The following SBF2 variants were observed in gnomAD, a reference collection of about 807,000 sequenced individuals.
The protein encoded by SBF2 is SET binding factor 2, also known as myotubularin-related protein 13.
Under a neutral mutation model 225.2 loss-of-function variants are expected in SBF2, and 112 were observed. The ratio of observed to expected loss-of-function variants is 0.50; its 90% CI spans 0.43 to 0.58. The LOEUF is 0.58. SBF2 is among the 20% of genes least tolerant of loss of function. The pLI is 0.00. For missense variants in SBF2, 1,996 were observed against 2,206.2 expected (o/e 0.90, Z 1.91); for synonymous variants, 763 against 773.3 (o/e 0.99, Z 0.22).
At chr11:9,899,569 G>A (rs1310339950) in intron 16 of SBF2, among the ~76,000 whole-genome samples, 1 of 151,308 alleles carries the variant, frequency 6.6e-6, no homozygotes, top group East Asian at 1.9e-4. Flanking sequence ...TCTCAACAGG[G>A]CTCAACTAGA....
At chr11:10,058,800 C>T (rs1201409508) in intron 2 of SBF2, among the ~76,000 whole-genome samples, 1 of 152,190 alleles carries the variant, frequency 6.6e-6, no homozygotes, top group African/African-American at 2.4e-5. Flanking sequence ...ATCAGGCTGA[C>T]AGTAGACCAT....
At chr11:9,790,430 T>C (rs1008806686) in intron 34 of SBF2, 126 bp downstream of exon 34, 3 of 772,664 alleles carry the variant, frequency 3.9e-6, no homozygotes, top group Non-Finnish European at 6.1e-6. Context: ...AACTTTGAAA[T>C]AGCTTTTTGG....
At chr11:9,924,356 C>G (rs1024081621) in intron 16 of SBF2, among the ~76,000 whole-genome samples, 4 of 152,136 alleles carry the variant, frequency 2.6e-5, no homozygotes, top group Non-Finnish European at 4.4e-5. Context: ...CGTAAGTGTT[C>G]TGAGCATGTT....
chr11:10,124,446 A>C (rs1442380143), intron 2 of SBF2, among the ~76,000 whole-genome samples: 1 of 152,202 alleles, frequency 6.6e-6, no homozygotes, highest in African/African-American at 2.4e-5. Context: ...AAAATTAACC[A>C]AATTTGTATC....
At chr11:9,866,884 T>TA (rs1271588408) in intron 17 of SBF2, among the ~76,000 whole-genome samples, 60 of 151,910 alleles carry the variant, frequency 3.9e-4, no homozygotes, top group Non-Finnish European at 8.1e-4. Context: ...AGCAACTCAA[T>TA]AGCAAACAAA....
At chr11:10,289,102 G>A (rs1316923100) in intron 1 of SBF2, among the ~76,000 whole-genome samples, 1 of 152,258 alleles carries the variant, frequency 6.6e-6, no homozygotes, top group African/African-American at 2.4e-5. Context: ...CAGGGGCCCA[G>A]TGTGTCAGCG....
At chr11:10,069,527 T>A (rs2134798639) in intron 2 of SBF2, among the ~76,000 whole-genome samples, 1 of 152,318 alleles carries the variant, frequency 6.6e-6, no homozygotes, top group Non-Finnish European at 1.5e-5. Context: ...CTATGGTGTA[T>A]ATGTGCCACA....
intron 16 of SBF2, among the ~76,000 whole-genome samples, chr11:9,910,812 G>T (rs951621777): frequency 6.7e-6 from 1 of 149,486 alleles, no homozygotes; most frequent in Non-Finnish European, 1.5e-5. Flanking sequence ...ACCATGGGAG[G>T]CCAAAGCAGG....
chr11:9,834,855 C>T (rs1852235112), intron 26 of SBF2, among the ~76,000 whole-genome samples: 1 of 152,202 alleles, frequency 6.6e-6, no homozygotes, highest in African/African-American at 2.4e-5. Context: ...CGAGCACACT[C>T]CTTCACTCCC....
At chr11:10,053,747 T>G (rs1402001932) in intron 2 of SBF2, among the ~76,000 whole-genome samples, 1 of 150,788 alleles carries the variant, frequency 6.6e-6, no homozygotes, top group Admixed American at 6.6e-5. Flanking sequence ...GAGTGAGACC[T>G]TGTCTCGGAA....
intron 2 of SBF2, among the ~76,000 whole-genome samples, chr11:10,074,333 C>A (rs1951013236): frequency 6.6e-6 from 1 of 151,998 alleles, no homozygotes; most frequent in Non-Finnish European, 1.5e-5. Context: ...TAATAAATAC[C>A]AAAAACATAG....
chr11:10,254,021 C>T (rs564596399), intron 1 of SBF2, among the ~76,000 whole-genome samples: 22 of 152,168 alleles, frequency 1.4e-4, no homozygotes, highest in African/African-American at 5.1e-4. Context: ...AAAAGGGAAC[C>T]CTTACACACT....
intron 1 of SBF2, among the ~76,000 whole-genome samples, chr11:10,261,781 T>G (rs1346994260): frequency 6.6e-6 from 1 of 152,164 alleles, no homozygotes; most frequent in East Asian, 1.9e-4. Flanking sequence ...TGGAATATCA[T>G]TCAGCAAAAA....
At chr11:9,796,082 A>C in intron 32 of SBF2, 125 bp from the exon 33 acceptor site, 1 of 938,782 alleles carries the variant, frequency 1.1e-6, no homozygotes, top group Non-Finnish European at 1.7e-6. Flanking sequence ...AAATACCTGA[A>C]TCCCTACCAT....
At chr11:10,253,769 C>CA (rs61609941) in intron 1 of SBF2, among the ~76,000 whole-genome samples, 138 of 149,420 alleles carry the variant, frequency 9.2e-4, no homozygotes, top group Admixed American at 3.3e-3. Flanking sequence ...TCCAAATCTC[C>CA]AAAAAAAAAC....
upstream of SBF2, among the ~76,000 whole-genome samples, chr11:10,298,357 C>T (rs1964567102): frequency 2.0e-5 from 3 of 152,204 alleles, no homozygotes; most frequent in South Asian, 6.2e-4. Flanking sequence ...CGCCATTGCA[C>T]TCCAGCCTGG....
intron 12 of SBF2, among the ~76,000 whole-genome samples, chr11:9,991,641 T>C (rs1200276497): frequency 1.3e-5 from 2 of 152,148 alleles, no homozygotes; most frequent in Non-Finnish European, 2.9e-5. Flanking sequence ...GCTGTGAATA[T>C]AGAGTTAAAT....
At chr11:10,172,723 G>C (rs1956251489) in intron 2 of SBF2, among the ~76,000 whole-genome samples, 1 of 150,176 alleles carries the variant, frequency 6.7e-6, no homozygotes, top group Non-Finnish European at 1.5e-5. Context: ...CTGGAGTGCA[G>C]TGGCGCCATC....
chr11:10,175,972 A>G (rs1361463812), intron 2 of SBF2, among the ~76,000 whole-genome samples: 2 of 145,796 alleles, frequency 1.4e-5, no homozygotes, highest in South Asian at 2.3e-4. Context: ...AACGAGAACA[A>G]AGACACAACA....
Sources: allele counts gnomAD v4.1 joint callset (sites outside exome capture counted in the v4.1 genomes callset), GRCh38; gene constraint gnomAD v4.1.1; transcripts MANE v1.5; gene names NCBI Gene and HGNC (gene_info 2026-07-23, HGNC 2026-07-21).